The following VIM variants were observed in gnomAD, a reference collection of about 807,000 sequenced individuals.
VIM encodes the protein vimentin, also known as epididymis secretory sperm binding protein.
In VIM, 18 loss-of-function variants were observed where a neutral mutation model predicts 50.3. The ratio of observed to expected loss-of-function variants is 0.36; its 90% CI spans 0.25 to 0.53. The LOEUF is 0.53. Ranked by LOEUF, VIM falls within the 20% of genes least tolerant of loss-of-function variation. VIM has a pLI of 0.91. For missense variants in VIM, 551 were observed against 614.7 expected (o/e 0.90, Z 1.10); for synonymous variants, 245 against 248.5 (o/e 0.99, Z 0.13).
intron 3 of VIM, 148 bp downstream of exon 3, chr10:17,230,858 T>C: frequency 6.2e-6 from 5 of 812,974 alleles, no homozygotes; most frequent in Non-Finnish European, 1.0e-5. Flanking sequence ...GACCACAGGT[T>C]GGAGCTTCTC....
chr10:17,237,331 T>A lies in VIM; in HGVS notation c.*60T>A. The A allele has an allele frequency of 1.9e-6, 3 of 1,543,288 alleles. No individual in the cohort carries two copies. The South Asian group carries it at 3.5e-5, about 18-fold the overall frequency. On this transcript the variant is annotated 3_prime_UTR_variant, in exon 10 of 10. Transcript: ENST00000544301. ...AGCAAGAATAAAAAAGAAATCCATA[T>A]CTTAAAGAAACAGCTTTCAAGTGCC... is the stretch of plus-strand genomic sequence containing the variant.
intron 2 of VIM, chr10:17,230,269 G>A (rs1370923312): frequency 6.9e-6 from 4 of 578,520 alleles, no homozygotes; most frequent in African/African-American, 3.7e-5. Context: ...TGCAGTTGAA[G>A]GCCCTTGGGC....
intron 2 of VIM, 91 bp from the exon 3 acceptor site, chr10:17,230,559 A>C: frequency 1.4e-6 from 2 of 1,386,456 alleles, no homozygotes; most frequent in African/African-American, 1.4e-5. Flanking sequence ...GCTGCTCTGG[A>C]GGCGCAGAGC....
At position 17,229,802 on chromosome 10, in the gene VIM, A is replaced by G. The variant is rs760190137; in HGVS notation, c.380A>G (p.Gln127Arg). ...YIDKVRFLEQ[Q>R]NKILLAELEQ... ...GACAAGGTGCGCTTCCTGGAGCAGCAGAATAAGATCCTGCTGGCCGAGCTC... is the reference window on the plus strand; with the variant it reads ...GACAAGGTGCGCTTCCTGGAGCAGCGGAATAAGATCCTGCTGGCCGAGCTC... The change falls in exon 2 of 10, where the codon CAG becomes CGG. Residue 127 changes from glutamine (Q) to arginine (R), a missense_variant. By Grantham distance (43) the Gln-to-Arg change is conservative. Transcript: ENST00000544301. 1 of 1,597,720 alleles carries G rather than the reference A, an allele frequency of 6.3e-7. No individual in the cohort carries two copies. The highest frequency in any genetic ancestry group is 8.5e-7 in the Non-Finnish European group (1 of 1,172,230).
At chr10:17,233,703 G>A (rs760716361) in intron 4 of VIM, 21 bp downstream of exon 4, 1 of 1,614,188 alleles carries the variant, frequency 6.2e-7, no homozygotes, top group South Asian at 1.1e-5. Context: ...TGACTTTCGG[G>A]GAATGAATGA....
At position 17,229,916 on chromosome 10, in the gene VIM, C is replaced by T; in HGVS notation, c.494C>T (p.Thr165Ile). 1 of 1,612,934 alleles carries T rather than the reference C, an allele frequency of 6.2e-7. No homozygotes were observed. Among genetic ancestry groups the T allele is most frequent in the East Asian group, 2.2e-5 (1 of 44,846 alleles). Residue 165 changes from threonine (T) to isoleucine (I), a missense_variant, in exon 2 of 10, where the codon ACC (threonine) becomes ATC (isoleucine). Thr to Ile is a moderately conservative substitution (Grantham distance 89, BLOSUM62 -1). Around this residue, in one of 3 missense-constraint regions of VIM, gnomAD observed 394 missense variants for 437.5 expected, o/e 0.90. Transcript: ENST00000544301. ...CTGCGCCGGCAGGTGGACCAGCTAACCAACGACAAAGCCCGCGTCGAGGTG... is the reference window on the plus strand; with the variant it reads ...CTGCGCCGGCAGGTGGACCAGCTAATCAACGACAAAGCCCGCGTCGAGGTG... ...RELRRQVDQL[T>I]NDKARVEVER...
chr10:17,235,008 G>C, intron 6 of VIM, 161 bp from the exon 7 acceptor site: 5 of 1,162,440 alleles, frequency 4.3e-6, no homozygotes, highest in Non-Finnish European at 6.2e-6. Context: ...CTATATCATT[G>C]CTTCTAATAT....
At chr10:17,231,790 C>A (rs1846803673) in intron 3 of VIM, among the ~76,000 whole-genome samples, 1 of 147,774 alleles carries the variant, frequency 6.8e-6, no homozygotes, top group African/African-American at 2.5e-5. Context: ...TTTTTTTTCA[C>A]CAAAATTAGA....
intron 2 of VIM, 35 bp from the exon 3 acceptor site, chr10:17,230,615 C>G: frequency 6.2e-7 from 1 of 1,613,488 alleles, no homozygotes; most frequent in Non-Finnish European, 8.5e-7. Context: ...TGGCGGTTTC[C>G]TCGTTCCCCT....
downstream of VIM, chr10:17,237,593 CTT>C: frequency 3.7e-6 from 1 of 271,286 alleles, no homozygotes; most frequent in Non-Finnish European, 7.0e-6. Context: ...TGGAAAAACT[CTT>C]TTGTTGTGTT....
chr10:17,234,829 A>G lies in VIM; in HGVS notation c.1008+11A>G, dbSNP rs1218814483. ...GCCCTTAAAGGAACCGTGAGTACCA[A>G]CCCTGCAGTAAAAGAGGGAAAATAA... On this transcript the variant is annotated intron_variant, in intron 6 of 9. Transcript: ENST00000544301. The G allele has an allele frequency of 6.2e-7, 1 of 1,613,978 alleles. No individual in the cohort carries two copies. The highest frequency in any genetic ancestry group is 1.7e-5 in the Admixed American group (1 of 59,986).
chr10:17,231,773 G>GT (rs11349733), intron 3 of VIM, among the ~76,000 whole-genome samples: 3,185 of 141,616 alleles, frequency 0.022, 96 homozygotes, highest in African/African-American at 0.068. Flanking sequence ...TTTTGTGCGT[G>GT]TTTTTTTTTT....
intron 9 of VIM, 67 bp downstream of exon 9, chr10:17,236,446 A>T: frequency 2.3e-6 from 3 of 1,299,048 alleles, no homozygotes; most frequent in South Asian, 1.2e-5. Context: ...AAAATCAGTG[A>T]ATCTGAATCT....
chr10:17,234,058 T>C, intron 5 of VIM, 127 bp downstream of exon 5: 1 of 1,282,860 alleles, frequency 7.8e-7, no homozygotes, highest in Non-Finnish European at 1.1e-6. Context: ...CTTGCTCATA[T>C]TGTGTTTGCC....
chr10:17,233,536 G>A, intron 3 of VIM, 51 bp from the exon 4 acceptor site: 3 of 1,551,918 alleles, frequency 1.9e-6, no homozygotes, highest in Non-Finnish European at 2.7e-6. Context: ...AATGAGATAA[G>A]CCATACACTT....
intron 3 of VIM, 91 bp downstream of exon 3, chr10:17,230,801 A>C: frequency 6.7e-7 from 1 of 1,498,294 alleles, no homozygotes; most frequent in Non-Finnish European, 9.3e-7. Flanking sequence ...CACGTCTAAA[A>C]AGTGCAAAAC....
At chr10:17,233,460 TA>T (rs1846830083) in intron 3 of VIM, 126 bp from the exon 4 acceptor site, 8 of 883,276 alleles carry the variant, frequency 9.1e-6, no homozygotes, top group Non-Finnish European at 9.2e-6. Flanking sequence ...TCCAGGGTCA[TA>T]AAATGTGTCA....
intron 3 of VIM, among the ~76,000 whole-genome samples, chr10:17,232,714 G>A (rs1329005655): frequency 2.0e-5 from 3 of 152,196 alleles, no homozygotes; most frequent in African/African-American, 4.8e-5. Context: ...TACAATGGAT[G>A]CCAGATGACT....
chr10:17,234,817 C>T lies in VIM; in HGVS notation c.1007C>T (p.Thr336Ile). Residue 336 changes from threonine (T) to isoleucine (I), a missense_variant and splice_region_variant, in exon 6 of 10, where the codon ACC (threonine) becomes ATC (isoleucine). Thr to Ile is a moderately conservative substitution (Grantham distance 89, BLOSUM62 -1). Coordinates refer to ENST00000544301, the MANE Select transcript of VIM (RefSeq NM_003380.5). ...LTCEVDALKG[T>I]NESLERQMRE... is the part of the protein sequence containing the mutation. Reference sequence around the variant, plus strand: ...TGTGAAGTGGATGCCCTTAAAGGAACCGTGAGTACCAACCCTGCAGTAAAA... The same window carrying T: ...TGTGAAGTGGATGCCCTTAAAGGAATCGTGAGTACCAACCCTGCAGTAAAA... The T allele has an allele frequency of 6.2e-7, 1 of 1,614,112 alleles. No individual in the cohort carries two copies. Among genetic ancestry groups the T allele is most frequent in the Non-Finnish European group, 8.5e-7 (1 of 1,180,022 alleles).
Sources: gnomAD v4.1 joint callset for allele counts (sites outside exome capture counted in the v4.1 genomes callset) on GRCh38, gnomAD v4.1.1 for gene constraint, gnomAD v4.1.1 regional missense constraint, MANE v1.5 for transcripts, NCBI Gene and HGNC (gene_info 2026-07-23, HGNC 2026-07-21) for gene names.